KALRN: variants seen among roughly 807,000 people sequenced by gnomAD.
The protein encoded by KALRN is kalirin.
KALRN carries 70 observed loss-of-function variants against 353.7 expected under a neutral mutation model. That is an observed-to-expected ratio of 0.20 (90% CI 0.16 to 0.24). The LOEUF is 0.24. Ranked by LOEUF, KALRN falls within the 10% of genes least tolerant of loss-of-function variation. The probability of loss-of-function intolerance (pLI) is 1.00; values close to 1 mark genes in which losing one functional copy is unlikely to be tolerated. For synonymous variants in KALRN, 1,391 were observed against 1,434.8 expected (o/e 0.97, Z 0.69); for missense variants, 2,791 against 3,756.7 (o/e 0.74, Z 6.72).
intron 14 of KALRN, among the ~76,000 whole-genome samples, chr3:124,419,352 TTAGTTCTCACA>T (rs1305220818): frequency 6.6e-6 from 1 of 151,086 alleles, no homozygotes; most frequent in Non-Finnish European, 1.5e-5. Context: ...TGTATCTCAC[TTAGTTCTCACA>T]ATATCCCTGA....
At chr3:124,590,090 G>A (rs1328270387) in intron 34 of KALRN, among the ~76,000 whole-genome samples, 1 of 152,006 alleles carries the variant, frequency 6.6e-6, no homozygotes, top group Non-Finnish European at 1.5e-5. Flanking sequence ...GGAAGAAGTA[G>A]CACACATATT....
At position 124,154,958 on chromosome 3, in the gene KALRN, A is replaced by G. The variant is rs532246613; in HGVS notation, c.74-73032A>G. Among the ~76,000 whole-genome samples, 8 of 152,348 alleles carry G rather than the reference A, an allele frequency of 5.3e-5. No individual in the cohort carries two copies. In the East Asian group the frequency reaches 1.5e-3, roughly 29 times the overall value. On this transcript the variant is annotated intron_variant, in intron 1 of 59. Transcript: ENST00000682506. ...ACAGACGTCAGAAATAACGCCACAT[A>G]TATACAACTATCTGACCTTTGACAA...
rs1329591534 is a variant in KALRN, at chr3:124,462,097, TC to T, written c.3921+143del. 7.5e-6 allele frequency: 5 copies of T among 664,130 alleles called. No individual in the cohort carries two copies. In the Admixed American group the frequency reaches 1.1e-4, roughly 15 times the overall value. 41.1% of individuals were successfully genotyped at this position (664,130 alleles called of 1,614,324 possible). ...AAAAGTCAACAAGAGGAAATCTTTC[TC>T]CTAAAGTCAACAATAATTACATGAG... On this transcript the variant is annotated intron_variant, in intron 24 of 59. Transcript: ENST00000682506.
intron 5 of KALRN, among the ~76,000 whole-genome samples, chr3:124,291,362 A>G (rs553484820): frequency 3.1e-4 from 47 of 152,206 alleles, no homozygotes; most frequent in Non-Finnish European, 6.8e-4. Context: ...ATCAAGATGA[A>G]ATTTGTGAAG....
At chr3:124,637,576 C>T (rs1413991914) in intron 37 of KALRN, among the ~76,000 whole-genome samples, 4 of 152,178 alleles carry the variant, frequency 2.6e-5, no homozygotes, top group South Asian at 2.1e-4. Context: ...CCTGATCCAG[C>T]GGCCCACAGG....
chr3:124,272,774 T>C (rs575159060), intron 5 of KALRN, among the ~76,000 whole-genome samples: 26 of 152,290 alleles, frequency 1.7e-4, no homozygotes, highest in African/African-American at 5.1e-4. Context: ...AACAGTCCTT[T>C]TAAGTTGCTT....
chr3:124,640,289 T>TC (rs201188218), intron 37 of KALRN, among the ~76,000 whole-genome samples: 1,495 of 116,808 alleles, frequency 0.013, 22 homozygotes, highest in African/African-American at 0.043. Context: ...TTTCTTTCTT[T>TC]TTTTTTTTTT....
chr3:124,184,019 G>A (rs2073928326), intron 1 of KALRN, among the ~76,000 whole-genome samples: 1 of 152,172 alleles, frequency 6.6e-6, no homozygotes, highest in African/African-American at 2.4e-5. Context: ...GCAATTATAT[G>A]TTGAAGAAAT....
intron 13 of KALRN, among the ~76,000 whole-genome samples, chr3:124,407,224 C>T (rs1278007078): frequency 2.0e-5 from 3 of 152,134 alleles, no homozygotes; most frequent in East Asian, 1.9e-4. Context: ...AATAAGTTAA[C>T]ACATAATATG....
In KALRN at chr3:124,637,247, G is replaced by T; in HGVS notation, c.5608G>T (p.Val1870Leu). The T allele has an allele frequency of 6.2e-7, 1 of 1,614,182 alleles. No homozygotes were observed. ...AGCAGCCCGGCAGGCTTCCACTGAA[G>T]TACCTACTGCTGCAGACCTTGTCAA... ...LLAARQASTEVPTAADLVNAI... is the reference protein window; with the variant it reads ...LLAARQASTELPTAADLVNAI... Residue 1870 changes from valine (V) to leucine (L), a missense_variant, in exon 37 of 60, where the codon GTA becomes TTA. This residue lies in a region of KALRN where 1,065 missense variants were observed against 1,156.4 expected (regional missense o/e 0.92). Coordinates refer to ENST00000682506, the MANE Select transcript of KALRN (RefSeq NM_001388419.1).
intron 3 of KALRN, among the ~76,000 whole-genome samples, chr3:124,254,446 A>C (rs1048169488): frequency 9.2e-6 from 1 of 108,518 alleles, no homozygotes; most frequent in African/African-American, 3.0e-5. Flanking sequence ...AAAAAAAAAA[A>C]AAAATTGTAG....
At chr3:124,648,219 A>G (rs2082994294) in intron 37 of KALRN, among the ~76,000 whole-genome samples, 1 of 152,166 alleles carries the variant, frequency 6.6e-6, no homozygotes, top group South Asian at 2.1e-4. Context: ...AATCAAACCC[A>G]TTGTTTTAGG....
intron 33 of KALRN, among the ~76,000 whole-genome samples, chr3:124,499,758 G>A (rs757309367): frequency 1.9e-4 from 29 of 152,182 alleles, no homozygotes; most frequent in Non-Finnish European, 3.5e-4. Context: ...TTACCGTCAC[G>A]TATTAATTTT....
intron 1 of KALRN, among the ~76,000 whole-genome samples, chr3:124,167,316 A>G (rs369392116): frequency 6.6e-6 from 1 of 152,168 alleles, no homozygotes; most frequent in East Asian, 1.9e-4. Context: ...CTTCGCTCTT[A>G]CCCTGGGATA....
intron 1 of KALRN, among the ~76,000 whole-genome samples, chr3:124,158,671 T>C (rs1250745692): frequency 6.6e-6 from 1 of 152,184 alleles, no homozygotes; most frequent in African/African-American, 2.4e-5. Context: ...CCAGCCAGGG[T>C]ACCCTCCTCC....
At chr3:124,143,184 T>C (rs2066848528) in intron 1 of KALRN, among the ~76,000 whole-genome samples, 2 of 152,184 alleles carry the variant, frequency 1.3e-5, no homozygotes, top group Non-Finnish European at 1.5e-5. Flanking sequence ...AATTCACCTC[T>C]CTTGGCTGGG....
intron 1 of KALRN, among the ~76,000 whole-genome samples, chr3:124,065,465 G>A (rs933322737): frequency 6.6e-6 from 1 of 152,146 alleles, no homozygotes; most frequent in African/African-American, 2.4e-5. Flanking sequence ...GATTCATATT[G>A]TAGTATTTAT....
chr3:124,430,686 A>G lies in KALRN; in HGVS notation c.2740A>G (p.Met914Val). 1.9e-6 allele frequency: 3 copies of G among 1,614,172 alleles called. No individual in the cohort carries two copies. The highest frequency in any genetic ancestry group is 2.5e-6 in the Non-Finnish European group (3 of 1,179,996). ...VLGWIRNGES[M>V]LNASLVNASS... ...GGGATGGATCCGCAATGGAGAGTCAATGCTCAACGCCAGCCTGGTCAATGC... is the reference window on the plus strand; with the variant it reads ...GGGATGGATCCGCAATGGAGAGTCAGTGCTCAACGCCAGCCTGGTCAATGC... Residue 914 changes from methionine (M) to valine (V), a missense_variant, in exon 16 of 60, where the codon ATG (methionine) becomes GTG (valine). Transcript: ENST00000682506.
rs764284502 is a variant in KALRN at position 124,398,797 on chromosome 3, G to C, written c.2272G>C (p.Glu758Gln). The change falls in exon 13 of 60, where the codon GAG becomes CAG. Residue 758 changes from glutamate to glutamine, a missense_variant. By Grantham distance (29) the Glu-to-Gln change is conservative. This residue lies in a region of KALRN where 452 missense variants were observed against 575.8 expected (regional missense o/e 0.78). Transcript: ENST00000682506. ...TGATGATGCCCAGGTGCAGATGGAG[G>C]AGCTGTTCCACGAGCGGAAGATCAA... ...QLDDAQVQME[E>Q]LFHERKIKLD... 1.2e-6 allele frequency: 2 copies of C among 1,614,198 alleles called. No individual in the cohort carries two copies. The highest frequency in any genetic ancestry group is 2.2e-5 in the South Asian group (2 of 91,082).
Sources: gnomAD v4.1 joint callset for allele counts (sites outside exome capture counted in the v4.1 genomes callset) on GRCh38, gnomAD v4.1.1 for gene constraint, gnomAD v4.1.1 regional missense constraint, MANE v1.5 for transcripts, NCBI Gene and HGNC (gene_info 2026-07-23, HGNC 2026-07-21) for gene names.